The following SMAD6 variants were observed in gnomAD, a reference collection of about 807,000 sequenced individuals.
SMAD6 encodes the protein MAD homolog 6.
Under a neutral mutation model 39.4 loss-of-function variants are expected in SMAD6, and 103 were observed. That is an observed-to-expected ratio of 2.62 (90% confidence interval 2.23 to 3.08). The LOEUF (loss-of-function observed/expected upper bound fraction) is 3.08, where lower values mean the gene tolerates loss of function less well. Ranked by LOEUF, SMAD6 falls within the 30% of genes most tolerant of loss-of-function variation. SMAD6 has a pLI of 0.00. For synonymous variants in SMAD6, 445 were observed against 353.3 expected, an observed-to-expected ratio of 1.26 and a Z score of -2.91; for missense variants, 1,104 against 742.9, an observed-to-expected ratio of 1.49 and a Z score of -5.65.
chr15:66,765,556 C>T (rs1894274021), intron 3 of SMAD6, among the ~76,000 whole-genome samples: 1 of 152,132 alleles, frequency 6.6e-6, no homozygotes, highest in Non-Finnish European at 1.5e-5. Context: ...CTTGGTGTAT[C>T]CCTTTCCAGC....
In SMAD6 at chr15:66,703,914, C is replaced by G. The variant is rs1567091826; in HGVS notation, c.656C>G (p.Pro219Arg). The change falls in exon 1 of 4, where the codon CCC becomes CGC. Residue 219 changes from proline to arginine, a missense_variant. By Grantham distance (103) the Pro-to-Arg change is moderately radical. Transcript: ENST00000288840. The stretch of plus-strand genomic sequence containing the variant: ...GCCGACCTCCGCCTGGGCGGCCAGC[C>G]CGCGCCGCCGCAGCTGCTGCTCGGC... ...PRADLRLGGQ[P>R]APPQLLLGRL... is the part of the protein sequence containing the mutation. 3.1e-6 allele frequency: 4 copies of G among 1,298,056 alleles called. No individual in the cohort carries two copies. The highest frequency in any genetic ancestry group is 3.2e-5 in the East Asian group (1 of 31,462). 80.4% of individuals were successfully genotyped at this position (1,298,056 alleles called of 1,614,324 possible).
chr15:66,746,711 G>A (rs1326409013), intron 3 of SMAD6, among the ~76,000 whole-genome samples: 1 of 152,140 alleles, frequency 6.6e-6, no homozygotes, highest in Non-Finnish European at 1.5e-5. Flanking sequence ...GGCTGATTTT[G>A]TGTCCCTGGT....
At chr15:66,776,160 G>T (rs972399074) in intron 3 of SMAD6, among the ~76,000 whole-genome samples, 71 of 152,232 alleles carry the variant, frequency 4.7e-4, no homozygotes, top group African/African-American at 1.6e-3. Flanking sequence ...TGCCAGGCTA[G>T]GGGCTAACCC....
chr15:66,779,129 G>A (rs1290370934), intron 3 of SMAD6, among the ~76,000 whole-genome samples: 1 of 152,154 alleles, frequency 6.6e-6, no homozygotes, highest in Non-Finnish European at 1.5e-5. Context: ...GGGCACTGGA[G>A]TGGGGTGGCT....
chr15:66,781,489 C>G lies in SMAD6; in HGVS notation c.1445C>G (p.Thr482Ser), dbSNP rs1239470869. Reference sequence around the variant, plus strand: ...CCCTGCTACTCCCGGCAGTTCATCACCTCCTGCCCCTGCTGGCTGGAGATC... The same window carrying G: ...CCCTGCTACTCCCGGCAGTTCATCAGCTCCTGCCCCTGCTGGCTGGAGATC... ...WGPCYSRQFITSCPCWLEILL... is the reference protein window; with the variant it reads ...WGPCYSRQFISSCPCWLEILL... The change falls in exon 4 of 4, where the codon ACC (threonine) becomes AGC (serine). Residue 482 changes from threonine to serine, a missense_variant. Physicochemically the swap from Thr to Ser is moderately conservative, Grantham distance 58. Transcript: ENST00000288840. The G allele has an allele frequency of 2.7e-5, 43 of 1,580,068 alleles. No individual in the cohort carries two copies. Among genetic ancestry groups the G allele is most frequent in the Admixed American group, 1.1e-4 (6 of 55,542 alleles).
At chr15:66,730,340 A>G (rs1261989039) in intron 3 of SMAD6, among the ~76,000 whole-genome samples, 13 of 152,162 alleles carry the variant, frequency 8.5e-5, no homozygotes, top group Non-Finnish European at 1.3e-4. Context: ...GTTCATGAAA[A>G]GCCTTCCTTC....
intron 3 of SMAD6, among the ~76,000 whole-genome samples, chr15:66,777,175 G>A (rs367908310): frequency 2.0e-5 from 3 of 152,176 alleles, no homozygotes; most frequent in Admixed American, 6.5e-5. Context: ...GAGCTCTGAC[G>A]CCCTGGGACT....
At chr15:66,741,511 A>G (rs1374021924) in intron 3 of SMAD6, among the ~76,000 whole-genome samples, 1 of 152,120 alleles carries the variant, frequency 6.6e-6, no homozygotes, top group Non-Finnish European at 1.5e-5. Flanking sequence ...GGGTGGGAGG[A>G]CATATAACTT....
intron 2 of SMAD6, among the ~76,000 whole-genome samples, chr15:66,716,137 C>T (rs1893324783): frequency 6.6e-6 from 1 of 152,146 alleles, no homozygotes; most frequent in African/African-American, 2.4e-5. Context: ...TGCTCGGTCC[C>T]CTGAACTTGG....
chr15:66,759,122 C>T (rs1456226608), intron 3 of SMAD6, among the ~76,000 whole-genome samples: 1 of 152,156 alleles, frequency 6.6e-6, no homozygotes, highest in Non-Finnish European at 1.5e-5. Flanking sequence ...AAACAGCTGG[C>T]AGGCCAAATT....
intron 3 of SMAD6, among the ~76,000 whole-genome samples, chr15:66,762,083 C>A (rs1238015280): frequency 1.3e-5 from 2 of 152,188 alleles, no homozygotes; most frequent in African/African-American, 4.8e-5. Flanking sequence ...TTGTGTTCTT[C>A]TTCCAGTCTG....
intron 3 of SMAD6, among the ~76,000 whole-genome samples, chr15:66,740,123 G>C (rs1893787765): frequency 6.6e-6 from 1 of 152,330 alleles, no homozygotes; most frequent in East Asian, 1.9e-4. Context: ...CCAGGTGGGA[G>C]AAAGAGCCCC....
chr15:66,781,452 A>T lies in SMAD6; in HGVS notation c.1408A>T (p.Lys470Ter). 6.2e-7 allele frequency: 1 copy of T among 1,605,234 alleles called. No homozygotes were observed. The highest frequency in any genetic ancestry group is 8.5e-7 in the Non-Finnish European group (1 of 1,178,118). ...DPNSVRISFAKGWGPCYSRQF... is the reference protein window; with the variant it reads ...DPNSVRISFA ...CAACAGCGTCCGCATCAGCTTCGCC[A>T]AGGGCTGGGGGCCCTGCTACTCCCG... Residue 470 changes from lysine to a stop codon, truncating the protein, a stop_gained, in exon 4 of 4, where the codon AAG (lysine) becomes TAG (stop). Coordinates refer to ENST00000288840, the MANE Select transcript of SMAD6 (RefSeq NM_005585.5). LOFTEE classifies it high-confidence loss of function.
At chr15:66,728,058 G>A (rs142957398) in intron 3 of SMAD6, among the ~76,000 whole-genome samples, 2,966 of 152,232 alleles carry the variant, frequency 0.019, 95 homozygotes, top group African/African-American at 0.068. Flanking sequence ...TCTCCATGTT[G>A]GTCAGGCTGG....
rs1894585779 is a variant in SMAD6 at position 66,781,884 on chromosome 15, C to G, written c.*349C>G. On this transcript the variant is annotated 3_prime_UTR_variant, in exon 4 of 4. Transcript: ENST00000288840. ...TATATATATAAAGAAAATGATACAG[C>G]AGAGCTAGGTGGAAAAGCCTGGGTT... 2.5e-6 allele frequency: 1 copy of G among 398,640 alleles called. No homozygotes were observed. The highest frequency in any genetic ancestry group is 4.4e-6 in the Non-Finnish European group (1 of 226,034). The allele number at this position is 398,640 out of a possible 1,614,324, so 24.7% of individuals were successfully genotyped here.
intron 3 of SMAD6, among the ~76,000 whole-genome samples, chr15:66,759,503 A>G (rs1894162411): frequency 6.6e-6 from 1 of 152,234 alleles, no homozygotes; most frequent in Non-Finnish European, 1.5e-5. Flanking sequence ...CACTGTACCC[A>G]GTATGTATGG....
chr15:66,729,414 A>G (rs1238692078), intron 3 of SMAD6, among the ~76,000 whole-genome samples: 2 of 152,210 alleles, frequency 1.3e-5, no homozygotes, highest in Non-Finnish European at 2.9e-5. Context: ...GGTAGCCAAA[A>G]CATTACATTC....
chr15:66,705,423 T>G (rs965914678), intron 1 of SMAD6: 1 of 152,226 alleles, frequency 6.6e-6, no homozygotes, highest in Non-Finnish European at 1.5e-5. Flanking sequence ...GCCCCTGATC[T>G]GTGGCTCATG....
chr15:66,775,458 G>A (rs1175490142), intron 3 of SMAD6, among the ~76,000 whole-genome samples: 6 of 152,154 alleles, frequency 3.9e-5, no homozygotes, highest in African/African-American at 7.2e-5. Flanking sequence ...ACTAAATCAC[G>A]GAAATTTAGA....
Sources: allele counts gnomAD v4.1 joint callset (sites outside exome capture counted in the v4.1 genomes callset), GRCh38; gene constraint gnomAD v4.1.1; transcripts MANE v1.5; gene names NCBI Gene and HGNC (gene_info 2026-07-23, HGNC 2026-07-21).